The following SLC13A1 variants were observed in gnomAD, a reference collection of about 807,000 sequenced individuals.
The protein encoded by SLC13A1 is Na(+)/sulfate cotransporter.
A neutral mutation model predicts 70.0 loss-of-function variants in SLC13A1; 65 were observed. The observed-to-expected ratio is 0.93, with a 90% CI of 0.76 to 1.14. The LOEUF (loss-of-function observed/expected upper bound fraction) is 1.14. Ranked by LOEUF, SLC13A1 falls within the 50% of genes most tolerant of loss-of-function variation. The pLI is 0.00. For missense variants in SLC13A1, 726 were observed against 717.8 expected, an observed-to-expected ratio of 1.01 and a Z score of -0.13; for synonymous variants, 275 against 250.5, an observed-to-expected ratio of 1.10 and a Z score of -0.92.
intron 1 of SLC13A1, 133 bp from the exon 2 acceptor site, chr7:123,181,234 G>T (rs1487432327): frequency 5.9e-6 from 5 of 853,072 alleles, no homozygotes; most frequent in Admixed American, 6.6e-5. Context: ...CTGCATCTTT[G>T]AGTTGCCCTC....
intron 13 of SLC13A1, 131 bp downstream of exon 13, chr7:123,118,950 C>A: frequency 1.5e-6 from 1 of 645,760 alleles, no homozygotes; most frequent in South Asian, 2.7e-5. Context: ...AAATAAAGAC[C>A]ACCCTGTAAG....
chr7:123,128,630 G>C (rs1268159304), intron 10 of SLC13A1, among the ~76,000 whole-genome samples: 1 of 152,128 alleles, frequency 6.6e-6, no homozygotes, highest in Non-Finnish European at 1.5e-5. Flanking sequence ...TTGCCTTTCA[G>C]TAACAGAGTA....
At chr7:123,135,598 T>TA (rs1793925059) in intron 7 of SLC13A1, among the ~76,000 whole-genome samples, 1 of 152,176 alleles carries the variant, frequency 6.6e-6, no homozygotes, top group South Asian at 2.1e-4. Flanking sequence ...CTTTGTCATT[T>TA]AAAAATCACA....
At chr7:123,160,074 G>A (rs1160818265) in intron 6 of SLC13A1, among the ~76,000 whole-genome samples, 1 of 151,966 alleles carries the variant, frequency 6.6e-6, no homozygotes, top group Non-Finnish European at 1.5e-5. Flanking sequence ...ATGAGGTCAG[G>A]AGTTCGAGAC....
rs114291678 is a variant in SLC13A1 at position 123,173,762 on chromosome 7, G to A, written c.229-1858C>T. Among the ~76,000 whole-genome samples the A allele has an allele frequency of 1.6e-3, 237 of 151,414 alleles. 2 individuals carry two copies. Among genetic ancestry groups the A allele is most frequent in the African/African-American group, 5.6e-3 (229 of 40,752 alleles). Reference sequence around the variant, plus strand: ...CATCACGTATTTTGCACCTAGCATAGTGCTGGTACACAGTAGAGAGCTTGG... The same window carrying A: ...CATCACGTATTTTGCACCTAGCATAATGCTGGTACACAGTAGAGAGCTTGG... On this transcript the variant is annotated intron_variant, in intron 2 of 14. Coordinates refer to ENST00000194130, the MANE Select transcript of SLC13A1 (RefSeq NM_022444.4).
intron 2 of SLC13A1, among the ~76,000 whole-genome samples, chr7:123,178,033 C>CTA (rs1554553496): frequency 1.9e-4 from 28 of 150,036 alleles, no homozygotes; most frequent in African/African-American, 3.7e-4. Context: ...CTCTCTCTCT[C>CTA]TATATATATA....
intron 8 of SLC13A1, 22 bp from the exon 9 acceptor site, chr7:123,129,503 G>A (rs1265088194): frequency 1.9e-6 from 3 of 1,587,930 alleles, no homozygotes; most frequent in African/African-American, 2.7e-5. Context: ...AATTAAGCCT[G>A]TAAGCAAGAA....
At chr7:123,173,134 T>C (rs1393778115) in intron 2 of SLC13A1, among the ~76,000 whole-genome samples, 1 of 151,500 alleles carries the variant, frequency 6.6e-6, no homozygotes, top group Non-Finnish European at 1.5e-5. Flanking sequence ...ATAGAAGGAA[T>C]GGGAATGTTG....
At chr7:123,142,631 G>A (rs963946783) in intron 7 of SLC13A1, among the ~76,000 whole-genome samples, 25 of 74,486 alleles carry the variant, frequency 3.4e-4, no homozygotes, top group African/African-American at 1.4e-3. Context: ...GCTTTCAGGG[G>A]CAAGAACTTT....
intron 2 of SLC13A1, among the ~76,000 whole-genome samples, chr7:123,174,700 T>C (rs112561115): frequency 0.012 from 1,837 of 152,232 alleles, 32 homozygotes; most frequent in African/African-American, 0.041. Context: ...GAACTTCCCA[T>C]AGTTTTAAAG....
intron 6 of SLC13A1, 33 bp downstream of exon 6, chr7:123,168,341 T>C: frequency 1.5e-6 from 2 of 1,360,058 alleles, no homozygotes; most frequent in Non-Finnish European, 2.1e-6. Flanking sequence ...TAATTTTGTA[T>C]ATAATTATTT....
At chr7:123,164,656 G>A (rs1795014177) in intron 6 of SLC13A1, among the ~76,000 whole-genome samples, 1 of 151,458 alleles carries the variant, frequency 6.6e-6, no homozygotes, top group Non-Finnish European at 1.5e-5. Context: ...TGTTATATAG[G>A]TAAACTCATG....
chr7:123,192,678 G>A (rs1164301508), intron 1 of SLC13A1, among the ~76,000 whole-genome samples: 3 of 152,018 alleles, frequency 2.0e-5, no homozygotes, highest in Non-Finnish European at 2.9e-5. Context: ...GAAAAATCAT[G>A]CATTCTAAAT....
chr7:123,152,766 A>G (rs949610064), intron 6 of SLC13A1, among the ~76,000 whole-genome samples: 3 of 152,076 alleles, frequency 2.0e-5, no homozygotes, highest in Non-Finnish European at 4.4e-5. Context: ...CCTTTCCCTT[A>G]TATTTTATAC....
At chr7:123,136,565 A>T (rs984382773) in intron 7 of SLC13A1, among the ~76,000 whole-genome samples, 1 of 152,166 alleles carries the variant, frequency 6.6e-6, no homozygotes, top group African/African-American at 2.4e-5. Context: ...TAAGACACTT[A>T]ATTCTGATGA....
In SLC13A1 at chr7:123,129,367, T is replaced by C. The variant is rs756897081; in HGVS notation, c.1031+16A>G. The C allele has an allele frequency of 3.3e-6, 4 of 1,200,842 alleles. No homozygotes were observed. Among genetic ancestry groups the C allele is most frequent in the Non-Finnish European group, 4.7e-6 (4 of 843,866 alleles). The allele number at this position is 1,200,842 out of a possible 1,614,324, so 74.4% of individuals were successfully genotyped here. ...GTGTGTGTGTGTGTGTGTGTGTGTG[T>C]GTGTGTTTGTCTTACCTTATTGGCC... On this transcript the variant is annotated intron_variant, in intron 9 of 14. Transcript: ENST00000194130.
intron 2 of SLC13A1, among the ~76,000 whole-genome samples, chr7:123,177,439 G>T (rs533782233): frequency 1.3e-5 from 2 of 151,988 alleles, no homozygotes; most frequent in Non-Finnish European, 2.9e-5. Context: ...AAGTTAGGTT[G>T]ATCATTTAAC....
chr7:123,173,376 C>G (rs565680537), intron 2 of SLC13A1, among the ~76,000 whole-genome samples: 1 of 152,206 alleles, frequency 6.6e-6, no homozygotes, highest in Non-Finnish European at 1.5e-5. Flanking sequence ...ATATCTATCT[C>G]TTTACATTTT....
At chr7:123,153,526 G>A (rs910727334) in intron 6 of SLC13A1, among the ~76,000 whole-genome samples, 1 of 151,962 alleles carries the variant, frequency 6.6e-6, no homozygotes, top group African/African-American at 2.4e-5. Flanking sequence ...CAGAAGAGAT[G>A]ATACTGAAGT....
Sources: allele counts gnomAD v4.1 joint callset (sites outside exome capture counted in the v4.1 genomes callset), GRCh38; gene constraint gnomAD v4.1.1; transcripts MANE v1.5; gene names NCBI Gene and HGNC (gene_info 2026-07-23, HGNC 2026-07-21).